The following ADGRL3 variants were observed in gnomAD, a reference collection of about 807,000 sequenced individuals.
The protein encoded by ADGRL3 is calcium-independent alpha-latrotoxin receptor 3.
Under a neutral mutation model 153.5 loss-of-function variants are expected in ADGRL3, and 62 were observed. That is an observed-to-expected ratio of 0.40 (90% CI 0.33 to 0.50). ADGRL3 has a LOEUF of 0.50. Among genes scored for constraint, ADGRL3 ranks in the 20% least tolerant of loss-of-function variants. The pLI is 0.47. For missense variants in ADGRL3, 1,641 were observed against 1,859.4 expected (o/e 0.88, Z 2.16); for synonymous variants, 710 against 672.5 (o/e 1.06, Z -0.86).
rs572978450 is a variant in ADGRL3 at position 61,655,012 on chromosome 4, T to C, written c.474-21814T>C. Among the ~76,000 whole-genome samples the C allele has an allele frequency of 9.2e-5, 14 of 152,350 alleles. No individual in the cohort carries two copies. The East Asian group carries it at 1.5e-3, about 17-fold the overall frequency. ...TGAGGAAATAATTATCTAAGACTTA[T>C]GACTTTTCTAAATGAGTTGTCTTTT... On this transcript the variant is annotated intron_variant, in intron 5 of 26. Coordinates refer to ENST00000683033, the MANE Select transcript of ADGRL3 (RefSeq NM_001387552.1).
intron 13 of ADGRL3, among the ~76,000 whole-genome samples, chr4:61,932,880 A>T (rs543500551): frequency 2.0e-5 from 3 of 150,754 alleles, no homozygotes; most frequent in African/African-American, 7.3e-5. Flanking sequence ...CAGAATTTCT[A>T]TTTTTTCCTG....
chr4:61,376,274 A>G (rs547491587), intron 1 of ADGRL3, among the ~76,000 whole-genome samples: 2 of 152,268 alleles, frequency 1.3e-5, no homozygotes, highest in Admixed American at 6.5e-5. Flanking sequence ...GAGAAGCTTA[A>G]TAATTCCATT....
intron 3 of ADGRL3, among the ~76,000 whole-genome samples, chr4:61,498,373 AC>A (rs1474830729): frequency 1.3e-5 from 2 of 151,942 alleles, no homozygotes; most frequent in East Asian, 1.9e-4. Flanking sequence ...ACACCGTGAA[AC>A]CCCGTCTCTA....
At chr4:61,835,332 A>G (rs2097918641) in intron 9 of ADGRL3, among the ~76,000 whole-genome samples, 1 of 132,812 alleles carries the variant, frequency 7.5e-6, no homozygotes, top group Non-Finnish European at 1.6e-5. Flanking sequence ...AAGAGTGGCA[A>G]GACTGAAAAA....
At position 61,844,546 on chromosome 4, in the gene ADGRL3, C is replaced by CAAAA. The variant is rs71604517; in HGVS notation, c.1480+30684_1480+30687dup. Among the ~76,000 whole-genome samples the CAAAA allele has an allele frequency of 2.4e-3, 42 of 17,550 alleles. 2 individuals are homozygous for CAAAA. The highest frequency in any genetic ancestry group is 7.9e-3 in the African/African-American group (25 of 3,154). The allele number at this position is 17,550 out of a possible 152,430, so 11.5% of individuals were successfully genotyped here. On this transcript the variant is annotated intron_variant, in intron 9 of 26. Coordinates refer to ENST00000683033, the MANE Select transcript of ADGRL3 (RefSeq NM_001387552.1). ...TGGGTGACAAAGCGAGACTGCATCTCAAAAAAAAAAAAAAAAAAAAAAAAA... is the reference window on the plus strand; with the variant it reads ...TGGGTGACAAAGCGAGACTGCATCTCAAAAAAAAAAAAAAAAAAAAAAAAAAAAA...
intron 4 of ADGRL3, among the ~76,000 whole-genome samples, chr4:61,546,974 C>T (rs1217135323): frequency 6.6e-6 from 1 of 152,140 alleles, no homozygotes; most frequent in Middle Eastern, 3.2e-3. Context: ...ACTCATTTAT[C>T]AGTTACAACC....
intron 8 of ADGRL3, among the ~76,000 whole-genome samples, chr4:61,784,580 G>T (rs1456156890): frequency 6.6e-6 from 1 of 152,094 alleles, no homozygotes; most frequent in Non-Finnish European, 1.5e-5. Flanking sequence ...AAAGATGAAT[G>T]CAGTCTTCAG....
intron 25 of ADGRL3, among the ~76,000 whole-genome samples, chr4:62,047,781 T>C (rs555082161): frequency 1.3e-5 from 2 of 152,308 alleles, no homozygotes; most frequent in South Asian, 4.1e-4. Flanking sequence ...AATATTTTTC[T>C]CCAGCCAACT....
At chr4:61,971,978 T>C (rs541026581) in intron 17 of ADGRL3, among the ~76,000 whole-genome samples, 1,786 of 152,208 alleles carry the variant, frequency 0.012, 36 homozygotes, top group African/African-American at 0.041. Flanking sequence ...TCTGTTCATA[T>C]CCTTTGCCCA....
chr4:61,723,886 A>G (rs934607136), intron 6 of ADGRL3, among the ~76,000 whole-genome samples: 3 of 152,216 alleles, frequency 2.0e-5, no homozygotes, highest in African/African-American at 7.2e-5. Flanking sequence ...TAATTTCTTA[A>G]TAACTTCTGT....
chr4:61,760,522 GT>G (rs2096898922), intron 8 of ADGRL3, among the ~76,000 whole-genome samples: 1 of 152,192 alleles, frequency 6.6e-6, no homozygotes. Flanking sequence ...CAGTATTAGG[GT>G]GGGAGTGACC....
chr4:61,813,889 G>A lies in ADGRL3; in HGVS notation c.1480G>A (p.Asp494Asn). 2 of 1,605,996 alleles carry A rather than the reference G, an allele frequency of 1.2e-6. No homozygotes were observed. The highest frequency in any genetic ancestry group is 2.2e-5 in the East Asian group (1 of 44,788). The change falls in exon 9 of 27, where the codon GAT (aspartate) becomes AAT (asparagine). Residue 494 changes from aspartate to asparagine, a missense_variant and splice_region_variant. Coordinates refer to ENST00000683033, the MANE Select transcript of ADGRL3 (RefSeq NM_001387552.1). ...DSELERPSVK[D>N]ISTTGPLGMG... is the part of the protein sequence containing the mutation. ...TGAGCTAGAAAGACCCTCTGTTAAA[G>A]GTGAGTTTTTCTTTATATGAAGAAA...
intron 6 of ADGRL3, among the ~76,000 whole-genome samples, chr4:61,699,593 G>T (rs926443079): frequency 6.6e-6 from 1 of 151,922 alleles, no homozygotes; most frequent in African/African-American, 2.4e-5. Context: ...AATCACTCTT[G>T]GTAGAATGTG....
intron 8 of ADGRL3, chr4:61,775,670 T>C: frequency 6.6e-7 from 1 of 1,507,872 alleles, no homozygotes; most frequent in Admixed American, 1.7e-5. Context: ...TTGACATACA[T>C]CACAGGCTCA....
At chr4:61,978,557 G>T (rs374297968) in intron 17 of ADGRL3, among the ~76,000 whole-genome samples, 1 of 152,100 alleles carries the variant, frequency 6.6e-6, no homozygotes, top group South Asian at 2.1e-4. Context: ...ACTTTGCTCC[G>T]ACATCTTGAT....
intron 21 of ADGRL3, among the ~76,000 whole-genome samples, chr4:62,009,097 A>G (rs1467852058): frequency 6.6e-6 from 1 of 152,124 alleles, no homozygotes; most frequent in East Asian, 1.9e-4. Context: ...GAAATCACCT[A>G]AGGACACATT....
At chr4:61,767,378 A>C (rs4272048) in intron 8 of ADGRL3, among the ~76,000 whole-genome samples, 2 of 151,104 alleles carry the variant, frequency 1.3e-5, no homozygotes, top group African/African-American at 4.9e-5. Context: ...AAGCCTGGCC[A>C]TCAATACCCA....
intron 2 of ADGRL3, among the ~76,000 whole-genome samples, chr4:61,428,910 T>TC (rs200763289): frequency 1.2e-4 from 17 of 147,034 alleles, no homozygotes; most frequent in South Asian, 4.2e-4. Context: ...TCTATCTATC[T>TC]ATCTATCTAT....
rs1325040629 is a variant in ADGRL3, at chr4:62,070,287, C to A, written c.4011C>A (p.Leu1337=). 1 of 1,578,940 alleles carries A rather than the reference C, an allele frequency of 6.3e-7. No homozygotes were observed. Among genetic ancestry groups the A allele is most frequent in the Non-Finnish European group, 8.6e-7 (1 of 1,160,726 alleles). ...TALEKKILKE[L]TSNYIPSYLN... is the part of the protein sequence containing the mutation. ...TAGAGAAAAAGATTCTGAAGGAACT[C>A]ACTTCCAACTATATCCCTTCTTACC... is the stretch of plus-strand genomic sequence containing the variant. Residue 1337 remains leucine (L), a synonymous_variant, in exon 27 of 27, where the codon CTC becomes CTA. Coordinates refer to ENST00000683033, the MANE Select transcript of ADGRL3 (RefSeq NM_001387552.1).
Sources: gnomAD v4.1 joint callset for allele counts (sites outside exome capture counted in the v4.1 genomes callset) on GRCh38, gnomAD v4.1.1 for gene constraint, MANE v1.5 for transcripts, NCBI Gene and HGNC (gene_info 2026-07-23, HGNC 2026-07-21) for gene names.